SOX5: variants seen among roughly 807,000 people sequenced by gnomAD.
SOX5 encodes the protein SRY-box transcription factor 5.
In SOX5, 9 loss-of-function variants were observed where a neutral mutation model predicts 92.0. The observed-to-expected ratio is 0.10, with a 90% CI of 0.06 to 0.17. The LOEUF (loss-of-function observed/expected upper bound fraction) is 0.17. Among genes scored for constraint, SOX5 ranks in the 10% least tolerant of loss-of-function variants. SOX5 has a pLI of 1.00. For synonymous variants in SOX5, 344 were observed against 336.3 expected, an observed-to-expected ratio of 1.02 and a Z score of -0.25; for missense variants, 642 against 944.5, an observed-to-expected ratio of 0.68 and a Z score of 4.20.
chr12:24,375,424 G>C (rs1382526519), intron 1 of SOX5, among the ~76,000 whole-genome samples: 1 of 152,000 alleles, frequency 6.6e-6, no homozygotes, highest in African/African-American at 2.4e-5. Context: ...AACCTGCCCA[G>C]TAAGGTGAGG....
At chr12:24,389,169 A>G (rs1596194595) in intron 1 of SOX5, among the ~76,000 whole-genome samples, 1 of 147,304 alleles carries the variant, frequency 6.8e-6, no homozygotes, top group Non-Finnish European at 1.5e-5. Flanking sequence ...ATGTGTTCTC[A>G]TTGTTCAATT....
intron 6 of SOX5, among the ~76,000 whole-genome samples, chr12:23,675,048 A>G (rs111248349): frequency 2.7e-4 from 41 of 152,232 alleles, no homozygotes; most frequent in African/African-American, 9.6e-4. Context: ...GACTGAAGAA[A>G]GATTTATCAT....
intron 1 of SOX5, among the ~76,000 whole-genome samples, chr12:24,432,152 GTGTATTCTGT>G (rs1449741562): frequency 6.6e-6 from 1 of 152,266 alleles, no homozygotes; most frequent in Non-Finnish European, 1.5e-5. Context: ...AATGTCCTTG[GTGTATTCTGT>G]TGTGGGTTTT....
At chr12:24,324,703 A>G (rs1323093680) in intron 2 of SOX5, among the ~76,000 whole-genome samples, 3 of 152,124 alleles carry the variant, frequency 2.0e-5, no homozygotes, top group Non-Finnish European at 2.9e-5. Flanking sequence ...TCTTTAGGAA[A>G]CTTACCTAAC....
chr12:24,173,809 T>C (rs763119528), intron 4 of SOX5, among the ~76,000 whole-genome samples: 1 of 152,148 alleles, frequency 6.6e-6, no homozygotes, highest in Admixed American at 6.5e-5. Flanking sequence ...TGTTCAGTCA[T>C]AGTTAGGAAT....
intron 6 of SOX5, among the ~76,000 whole-genome samples, chr12:23,715,059 G>T (rs1027910604): frequency 4.6e-5 from 7 of 152,016 alleles, no homozygotes; most frequent in African/African-American, 1.7e-4. Flanking sequence ...CATCCTTTTG[G>T]GAGGCCGAGG....
At chr12:24,343,369 A>T (rs1212981506) in intron 2 of SOX5, among the ~76,000 whole-genome samples, 1 of 150,218 alleles carries the variant, frequency 6.7e-6, no homozygotes, top group South Asian at 2.1e-4. Context: ...GCTCCAATTC[A>T]TGCCCTTTTC....
At chr12:24,368,105 A>T (rs1317654824) in intron 2 of SOX5, 1 of 152,220 alleles carries the variant, frequency 6.6e-6, no homozygotes, top group Non-Finnish European at 1.5e-5. Flanking sequence ...ACTTTGCTCA[A>T]TTGGAGGAAC....
chr12:23,537,399 G>C (rs1940779025), intron 13 of SOX5, among the ~76,000 whole-genome samples: 1 of 152,082 alleles, frequency 6.6e-6, no homozygotes, highest in African/African-American at 2.4e-5. Flanking sequence ...AATTACTGAA[G>C]TACAGATCTG....
Position 24,080,172 on chromosome 12 carries a change from T to C in SOX5, c.-2+133171A>G, listed in dbSNP as rs189512091. ...CAAATTACTGCATGTAAGATAAAAA[T>C]ATGTTTCTGAGAGGACAAAATATCT... is the stretch of plus-strand genomic sequence containing the variant. On this transcript the variant is annotated intron_variant, in intron 4 of 4. Coordinates refer to the SOX5 transcript ENST00000446891. Among the ~76,000 whole-genome samples, 95 of 152,100 alleles carry C rather than the reference T, an allele frequency of 6.2e-4. 1 individual carries two copies. In the South Asian group the frequency reaches 0.011, roughly 18 times the overall value.
intron 8 of SOX5, among the ~76,000 whole-genome samples, chr12:23,618,624 G>T (rs1439863055): frequency 6.6e-6 from 1 of 152,140 alleles, no homozygotes; most frequent in Non-Finnish European, 1.5e-5. Context: ...TAATCATTTT[G>T]CTAGAAGCTT....
chr12:24,327,795 T>C (rs1950886174), intron 2 of SOX5, among the ~76,000 whole-genome samples: 1 of 151,808 alleles, frequency 6.6e-6, no homozygotes, highest in African/African-American at 2.4e-5. Flanking sequence ...GGTTTCACCA[T>C]ATTAACCAGG....
intron 3 of SOX5, among the ~76,000 whole-genome samples, chr12:24,219,406 T>C (rs1055987637): frequency 2.0e-5 from 3 of 152,100 alleles, no homozygotes; most frequent in African/African-American, 7.2e-5. Context: ...CAAATAAACA[T>C]ATCACATGTG....
chr12:24,076,697 G>GT, intron 4 of SOX5, among the ~76,000 whole-genome samples: 1 of 120,378 alleles, frequency 8.3e-6, no homozygotes, highest in African/African-American at 2.9e-5. Flanking sequence ...ATCCAAAGCT[G>GT]CCTTTTTTTT....
intron 1 of SOX5, among the ~76,000 whole-genome samples, chr12:24,524,041 T>C (rs1231179544): frequency 1.3e-5 from 2 of 152,244 alleles, no homozygotes; most frequent in South Asian, 2.1e-4. Context: ...ATCTAGGAAC[T>C]GGTAAAGTAA....
rs11047214 is a variant in SOX5 at position 24,025,518 on chromosome 12, T to C, written c.-1-129494A>G. Among the ~76,000 whole-genome samples, 945 of 152,120 alleles carry C rather than the reference T, an allele frequency of 6.2e-3. 10 individuals carry two copies. The highest frequency in any genetic ancestry group is 0.021 in the African/African-American group (867 of 41,550). ...TTCCCAAAGAAAATATTATTTTAGA[T>C]ACAGAGAACAGTGACTCTCTGTCTG... On this transcript the variant is annotated intron_variant, in intron 4 of 4. Transcript: ENST00000446891.
chr12:23,862,176 C>T (rs1442242448), intron 2 of SOX5, among the ~76,000 whole-genome samples: 3 of 152,116 alleles, frequency 2.0e-5, no homozygotes, highest in South Asian at 4.1e-4. Flanking sequence ...CAAAGGGAAT[C>T]ACATGCAAAT....
rs193108988 is a variant in SOX5 at position 23,902,303 on chromosome 12, G to A, written c.39-6279C>T. Among the ~76,000 whole-genome samples, 787 of 152,154 alleles carry A rather than the reference G, an allele frequency of 5.2e-3. 4 individuals carry two copies. The highest frequency in any genetic ancestry group is 8.3e-3 in the Non-Finnish European group (567 of 67,978). ...CCTTATATAGTACATTCTTTTTTAAGTTTCTTTCTTTAAATATTTTAACCT... is the reference window on the plus strand; with the variant it reads ...CCTTATATAGTACATTCTTTTTTAAATTTCTTTCTTTAAATATTTTAACCT... On this transcript the variant is annotated intron_variant, in intron 1 of 14. Coordinates refer to ENST00000451604, the MANE Select transcript of SOX5 (RefSeq NM_006940.6).
chr12:23,670,154 A>G (rs1292053536), intron 6 of SOX5, among the ~76,000 whole-genome samples: 3 of 152,206 alleles, frequency 2.0e-5, no homozygotes, highest in African/African-American at 7.2e-5. Flanking sequence ...GAGTAAACTA[A>G]TTGTGAAAAA....
Sources: gnomAD v4.1 joint callset for allele counts (sites outside exome capture counted in the v4.1 genomes callset) on GRCh38, gnomAD v4.1.1 for gene constraint, MANE v1.5 for transcripts, NCBI Gene and HGNC (gene_info 2026-07-23, HGNC 2026-07-21) for gene names.